GALNT13: variants seen among roughly 807,000 people sequenced by gnomAD.
GALNT13 encodes UDP-GalNAc:polypeptide N-acetylgalactosaminyltransferase 13.
Under a neutral mutation model 64.2 loss-of-function variants are expected in GALNT13, and 28 were observed. The observed-to-expected ratio is 0.44, with a 90% confidence interval of 0.32 to 0.60. The LOEUF is 0.60. GALNT13 is among the 20% of genes least tolerant of loss of function. GALNT13 has a pLI of 0.05. For missense variants in GALNT13, 577 were observed against 669.8 expected (o/e 0.86, Z 1.53); for synonymous variants, 214 against 224.6 (o/e 0.95, Z 0.42).
At chr2:153,941,221 T>C (rs1574163297) in intron 2 of GALNT13, among the ~76,000 whole-genome samples, 1 of 152,022 alleles carries the variant, frequency 6.6e-6, no homozygotes, top group Non-Finnish European at 1.5e-5. Flanking sequence ...GTCTTGAACT[T>C]CTGACCTCAG....
chr2:153,671,012 AAAG>A, the GALNT13 span, among the ~76,000 whole-genome samples: 1 of 152,332 alleles, frequency 6.6e-6, no homozygotes, highest in East Asian at 1.9e-4. Flanking sequence ...AAAAAAGTGA[AAAG>A]AAATGAACAA....
the GALNT13 span, among the ~76,000 whole-genome samples, chr2:153,200,036 CA>C: frequency 3.3e-5 from 5 of 152,186 alleles, no homozygotes; most frequent in East Asian, 7.7e-4. Context: ...GGGAGCCCCA[CA>C]AAAAACATAT....
intron 3 of GALNT13, among the ~76,000 whole-genome samples, chr2:154,060,810 A>G (rs1700139838): frequency 1.3e-5 from 2 of 152,106 alleles, no homozygotes; most frequent in South Asian, 2.1e-4. Flanking sequence ...ACTAAACACA[A>G]GAAAGTATAT....
intron 8 of GALNT13, among the ~76,000 whole-genome samples, chr2:154,298,501 C>T (rs1469263030): frequency 5.6e-4 from 42 of 75,038 alleles, no homozygotes; most frequent in Non-Finnish European, 7.4e-4. Context: ...ATTATATATA[C>T]ATATATAAAT....
At chr2:154,343,994 G>T (rs952546804) in intron 9 of GALNT13, among the ~76,000 whole-genome samples, 2 of 151,852 alleles carry the variant, frequency 1.3e-5, no homozygotes, top group Non-Finnish European at 2.9e-5. Flanking sequence ...TTAGTGGCTT[G>T]GAAATATGAA....
At chr2:153,856,516 G>A in the GALNT13 span, among the ~76,000 whole-genome samples, 2 of 152,098 alleles carry the variant, frequency 1.3e-5, no homozygotes, top group African/African-American at 4.8e-5. Flanking sequence ...GTTTCAATAA[G>A]CATGTGAAAA....
chr2:153,282,635 C>G, the GALNT13 span, among the ~76,000 whole-genome samples: 1 of 152,206 alleles, frequency 6.6e-6, no homozygotes, highest in Non-Finnish European at 1.5e-5. Flanking sequence ...AGGCTGGTCT[C>G]AAACTCCTGG....
chr2:153,699,133 A>G, the GALNT13 span, among the ~76,000 whole-genome samples: 6 of 152,148 alleles, frequency 3.9e-5, no homozygotes, highest in African/African-American at 1.2e-4. Flanking sequence ...GAGGCAGGAG[A>G]ATCACTTGAA....
chr2:153,949,531 T>C (rs1212154450), intron 3 of GALNT13, among the ~76,000 whole-genome samples: 1 of 151,140 alleles, frequency 6.6e-6, no homozygotes. Flanking sequence ...AAAAAAACCT[T>C]CACAAAGGCT....
At chr2:154,024,856 T>A (rs1195879539) in intron 3 of GALNT13, among the ~76,000 whole-genome samples, 1 of 152,190 alleles carries the variant, frequency 6.6e-6, no homozygotes, top group Admixed American at 6.5e-5. Context: ...GATGGTGACA[T>A]ACTGATGGGT....
chr2:154,157,418 G>C (rs528863313), intron 4 of GALNT13, among the ~76,000 whole-genome samples: 1 of 151,856 alleles, frequency 6.6e-6, no homozygotes, highest in Non-Finnish European at 1.5e-5. Context: ...TCACTATGTC[G>C]CCCAGGCTGG....
chr2:153,109,486 G>C, the GALNT13 span, among the ~76,000 whole-genome samples: 1 of 152,150 alleles, frequency 6.6e-6, no homozygotes, highest in Non-Finnish European at 1.5e-5. Context: ...CAGAGAAGGA[G>C]ACTTTTCTAC....
At chr2:153,161,155 C>T in the GALNT13 span, among the ~76,000 whole-genome samples, 4 of 152,206 alleles carry the variant, frequency 2.6e-5, no homozygotes, top group Non-Finnish European at 5.9e-5. Context: ...TTCTGCTATG[C>T]AATACACCGC....
chr2:153,433,986 C>G, the GALNT13 span, among the ~76,000 whole-genome samples: 1 of 152,082 alleles, frequency 6.6e-6, no homozygotes, highest in Non-Finnish European at 1.5e-5. Context: ...CTGCTCCCCC[C>G]ACCCCACAAC....
At chr2:153,607,473 A>C in the GALNT13 span, among the ~76,000 whole-genome samples, 8 of 152,186 alleles carry the variant, frequency 5.3e-5, no homozygotes, top group Non-Finnish European at 1.0e-4. Context: ...TATAAAAAAT[A>C]CAGAAAGAAC....
At chr2:153,134,452 G>A in the GALNT13 span, among the ~76,000 whole-genome samples, 3 of 151,706 alleles carry the variant, frequency 2.0e-5, no homozygotes, top group Non-Finnish European at 4.4e-5. Context: ...TAGAGAAAGG[G>A]CATATGAAGA....
intron 1 of GALNT13, among the ~76,000 whole-genome samples, chr2:153,889,164 G>A (rs1272017896): frequency 2.6e-5 from 4 of 151,814 alleles, no homozygotes; most frequent in Non-Finnish European, 5.9e-5. Flanking sequence ...CCACGATCTT[G>A]GCCTTGGACA....
the GALNT13 span, among the ~76,000 whole-genome samples, chr2:153,769,703 C>A: frequency 6.6e-6 from 1 of 152,236 alleles, no homozygotes; most frequent in Non-Finnish European, 1.5e-5. Context: ...TTCTTCCTCT[C>A]CCTCTGGAAT....
intron 8 of GALNT13, among the ~76,000 whole-genome samples, chr2:154,260,646 G>T (rs1242918831): frequency 5.9e-5 from 9 of 152,138 alleles, no homozygotes; most frequent in Non-Finnish European, 1.2e-4. Context: ...GTAACTCTTT[G>T]CAGGAATTTT....
Sources: gnomAD v4.1 joint callset for allele counts (sites outside exome capture counted in the v4.1 genomes callset) on GRCh38, gnomAD v4.1.1 for gene constraint, MANE v1.5 for transcripts, NCBI Gene and HGNC (gene_info 2026-07-23, HGNC 2026-07-21) for gene names.